C12orf56: variants seen among roughly 807,000 people sequenced by gnomAD.
C12orf56 encodes the protein uncharacterized protein C12orf56.
A neutral mutation model predicts 69.9 loss-of-function variants in C12orf56; 71 were observed. That is an observed-to-expected ratio of 1.02 (90% confidence interval 0.84 to 1.24). C12orf56 has a LOEUF of 1.24. C12orf56 is among the 50% of genes most tolerant of loss of function. The pLI is 0.00. For synonymous variants in C12orf56, 276 were observed against 274.1 expected (o/e 1.01, Z -0.07); for missense variants, 732 against 738.5 (o/e 0.99, Z 0.10).
chr12:64,303,904 C>T, intron 5 of C12orf56, 125 bp from the exon 6 acceptor site: 1 of 1,135,476 alleles, frequency 8.8e-7, no homozygotes, highest in Non-Finnish European at 1.2e-6. Flanking sequence ...TAGTTTTATT[C>T]TCCTAGCCTT....
chr12:64,358,506 C>A (rs11175361), intron 1 of C12orf56, among the ~76,000 whole-genome samples: 22,187 of 137,640 alleles, frequency 0.16, 2,069 homozygotes, highest in East Asian at 0.39. Context: ...TCATCATCAT[C>A]ATCTTGGCCA....
chr12:64,330,309 T>G (rs2038913189), intron 3 of C12orf56, among the ~76,000 whole-genome samples: 1 of 152,196 alleles, frequency 6.6e-6, no homozygotes, highest in Non-Finnish European at 1.5e-5. Context: ...AGGATCCATT[T>G]CACTTTCAGG....
chr12:64,280,733 C>G (rs562065273), intron 8 of C12orf56, among the ~76,000 whole-genome samples: 3 of 152,264 alleles, frequency 2.0e-5, no homozygotes, highest in African/African-American at 7.2e-5. Context: ...AAACAAGCCA[C>G]CTGAGTCCCA....
chr12:64,274,893 ATACT>A lies in C12orf56; in HGVS notation c.1584+4_1584+7del. On this transcript the variant is annotated splice_donor_5th_base_variant and intron_variant, in intron 11 of 12. Transcript: ENST00000543942. Reference sequence around the variant, plus strand: ...GGGGTGATTTCGTTTTGACTTCTAGATACTTACGATGGGAGGACAGCTTTGTAGA... The same window carrying A: ...GGGGTGATTTCGTTTTGACTTCTAGATACGATGGGAGGACAGCTTTGTAGA... The A allele has an allele frequency of 6.3e-7, 1 of 1,598,370 alleles. No individual in the cohort carries two copies. Among genetic ancestry groups the A allele is most frequent in the Non-Finnish European group, 8.6e-7 (1 of 1,166,208 alleles).
At chr12:64,308,605 G>A (rs1012723861) in intron 5 of C12orf56, among the ~76,000 whole-genome samples, 13 of 151,596 alleles carry the variant, frequency 8.6e-5, no homozygotes, top group African/African-American at 2.4e-4. Flanking sequence ...CACTGTGGGA[G>A]GCCAAGGCAG....
rs1208714232 is a variant in C12orf56 at position 64,275,349 on chromosome 12, A to G, written c.1458T>C (p.Tyr486=). 2.8e-6 allele frequency: 4 copies of G among 1,428,602 alleles called. No homozygotes were observed. Among genetic ancestry groups the G allele is most frequent in the Non-Finnish European group, 2.8e-6 (3 of 1,074,226 alleles). 88.5% of individuals were successfully genotyped at this position (1,428,602 alleles called of 1,614,324 possible). The stretch of plus-strand genomic sequence containing the variant: ...ATAAAAGTGCTGTAGCAGTATTTGT[A>G]TACTCCAGAATAAGCTTCTGTAACT... ...DAELQKLILE[Y]TNTATALLYE... The change falls in exon 10 of 13, where the codon TAT becomes TAC. Residue 486 remains tyrosine, a synonymous_variant. Coordinates refer to ENST00000543942, the MANE Select transcript of C12orf56 (RefSeq NM_001170633.2).
chr12:64,311,986 T>C (rs2038622869), intron 5 of C12orf56, among the ~76,000 whole-genome samples: 1 of 151,894 alleles, frequency 6.6e-6, no homozygotes, highest in Non-Finnish European at 1.5e-5. Flanking sequence ...TATCCAGAGA[T>C]AGTAAAGGCG....
chr12:64,320,058 C>A (rs1422567976), intron 3 of C12orf56, among the ~76,000 whole-genome samples: 1 of 152,256 alleles, frequency 6.6e-6, no homozygotes, highest in African/African-American at 2.4e-5. Context: ...CAGTGAGACG[C>A]CCAGTGCCGC....
At position 64,328,695 on chromosome 12, in the gene C12orf56, AAAAAAAAAAAAATATATATATATAT is replaced by A. The variant is rs1243239375; in HGVS notation, c.488+2240_488+2264del. ...ACTCCATCTCAAAAAAAAAAAAAAA[AAAAAAAAAAAAATATATATATATAT>A]ATATATATATATATATAGTATCACA... On this transcript the variant is annotated intron_variant, in intron 3 of 12. Coordinates refer to ENST00000543942, the MANE Select transcript of C12orf56 (RefSeq NM_001170633.2). 4.2e-3 allele frequency among the ~76,000 whole-genome samples: 77 copies of A among 18,130 alleles called. 1 individual carries two copies. Among genetic ancestry groups the A allele is most frequent in the African/African-American group, 0.012 (70 of 5,730 alleles). The allele number at this position is 18,130 out of a possible 152,430, so 11.9% of individuals were successfully genotyped here. A position where few individuals can be genotyped will look rare whatever the true frequency, so the allele number is the denominator to read the frequency against.
intron 4 of C12orf56, among the ~76,000 whole-genome samples, chr12:64,317,024 T>A (rs2136834516): frequency 6.6e-6 from 1 of 152,344 alleles, no homozygotes; most frequent in East Asian, 1.9e-4. Context: ...ATAGATTTTT[T>A]AAAGTCAGGT....
intron 6 of C12orf56, among the ~76,000 whole-genome samples, chr12:64,296,929 G>T (rs538417459): frequency 3.4e-5 from 5 of 148,176 alleles, no homozygotes; most frequent in Non-Finnish European, 7.4e-5. Context: ...GACACAACAA[G>T]AAGACCCTCA....
intron 1 of C12orf56, among the ~76,000 whole-genome samples, chr12:64,355,295 A>T (rs1235292452): frequency 1.7e-4 from 26 of 152,280 alleles, no homozygotes; most frequent in Admixed American, 1.6e-3. Context: ...AAAAGCTAAC[A>T]ATATCTACTC....
At chr12:64,339,948 A>G (rs1489422340) in intron 2 of C12orf56, among the ~76,000 whole-genome samples, 1 of 152,112 alleles carries the variant, frequency 6.6e-6, no homozygotes, top group Admixed American at 6.6e-5. Flanking sequence ...TTCCAGTTGT[A>G]TATATATGAT....
intron 5 of C12orf56, among the ~76,000 whole-genome samples, chr12:64,306,075 C>CA (rs1283014415): frequency 3.3e-5 from 5 of 151,484 alleles, no homozygotes; most frequent in African/African-American, 1.2e-4. Flanking sequence ...TTTTAATGGC[C>CA]AAAAAAATTT....
chr12:64,316,132 T>C (rs928433362), intron 4 of C12orf56, among the ~76,000 whole-genome samples: 1 of 151,880 alleles, frequency 6.6e-6, no homozygotes, highest in African/African-American at 2.4e-5. Context: ...TCAGACAGAG[T>C]CTCACTGTAT....
chr12:64,354,544 G>C (rs956425783), intron 1 of C12orf56, among the ~76,000 whole-genome samples: 1 of 151,702 alleles, frequency 6.6e-6, no homozygotes, highest in East Asian at 2.0e-4. Context: ...TGCAACCTTC[G>C]CCTCCCAGGT....
intron 1 of C12orf56, among the ~76,000 whole-genome samples, chr12:64,379,572 C>T (rs2039684434): frequency 1.3e-5 from 2 of 151,622 alleles, no homozygotes; most frequent in Admixed American, 6.6e-5. Context: ...AGGTGTGAGC[C>T]ACCGCGCCCA....
At chr12:64,308,469 TA>T (rs2038545843) in intron 5 of C12orf56, among the ~76,000 whole-genome samples, 1 of 152,130 alleles carries the variant, frequency 6.6e-6, no homozygotes, top group Non-Finnish European at 1.5e-5. Context: ...AATTTTTTTC[TA>T]TATCACATCA....
intron 6 of C12orf56, among the ~76,000 whole-genome samples, chr12:64,289,174 T>C (rs1256189004): frequency 9.5e-6 from 1 of 105,224 alleles, no homozygotes; most frequent in Non-Finnish European, 2.1e-5. Flanking sequence ...TGTATAAGAA[T>C]GCTTGTGATT....
Sources: gnomAD v4.1 joint callset for allele counts (sites outside exome capture counted in the v4.1 genomes callset) on GRCh38, gnomAD v4.1.1 for gene constraint, MANE v1.5 for transcripts, NCBI Gene and HGNC (gene_info 2026-07-23, HGNC 2026-07-21) for gene names.